SPTBN4: variants seen among roughly 807,000 people sequenced by gnomAD.
SPTBN4 encodes spectrin beta chain, non-erythrocytic 4.
Under a neutral mutation model 277.8 loss-of-function variants are expected in SPTBN4, and 96 were observed. That is an observed-to-expected ratio of 0.35 (90% CI 0.29 to 0.41). SPTBN4 has a LOEUF of 0.41. Among genes scored for constraint, SPTBN4 ranks in the 10% least tolerant of loss-of-function variants. The pLI, the probability that SPTBN4 is intolerant of heterozygous loss-of-function variation, is 1.00. For missense variants in SPTBN4, 3,006 were observed against 3,595.7 expected (o/e 0.84, Z 4.19); for synonymous variants, 1,481 against 1,580.3 (o/e 0.94, Z 1.49).
At chr19:40,494,670 C>A (rs1400886421) in intron 5 of SPTBN4, among the ~76,000 whole-genome samples, 4 of 151,446 alleles carry the variant, frequency 2.6e-5, no homozygotes, top group African/African-American at 9.7e-5. Flanking sequence ...ATGTATCTAC[C>A]TATCTCTCTC....
intron 20 of SPTBN4, among the ~76,000 whole-genome samples, chr19:40,539,162 C>T (rs1365444924): frequency 6.6e-6 from 1 of 152,188 alleles, no homozygotes; most frequent in African/African-American, 2.4e-5. Flanking sequence ...AATTATCTTG[C>T]AGTGATTACT....
chr19:40,502,414 G>A lies in SPTBN4; in HGVS notation c.1110G>A (p.Glu370=), dbSNP rs1178478639. 6.2e-7 allele frequency: 1 copy of A among 1,613,222 alleles called. No individual in the cohort carries two copies. Among genetic ancestry groups the A allele is most frequent in the Non-Finnish European group, 8.5e-7 (1 of 1,179,838 alleles). ...GGTTCCAGGAGAAGGGGAACCTAGA[G>A]GTGCTGCTCTTCAGCATCCAGAGCA... ...PVKFQEKGNL[E]VLLFSIQSKL... The change falls in exon 10 of 36, where the codon GAG becomes GAA. Residue 370 remains glutamate (E), a synonymous_variant. Transcript: ENST00000598249. This position sits in a 1 kb window ranked among gnomAD's most constrained non-coding sequence, Gnocchi z 4.9.
At chr19:40,505,010 C>T (rs74450106) in intron 12 of SPTBN4, among the ~76,000 whole-genome samples, 1 of 151,420 alleles carries the variant, frequency 6.6e-6, no homozygotes, top group East Asian at 1.9e-4. Flanking sequence ...TACATGACTA[C>T]AGAGAAAGAT....
At chr19:40,559,376 A>G (rs1358832436) in intron 26 of SPTBN4, among the ~76,000 whole-genome samples, 1 of 150,690 alleles carries the variant, frequency 6.6e-6, no homozygotes, top group South Asian at 2.2e-4. Flanking sequence ...GGCTGAGCAC[A>G]GTGGCTTATG....
At chr19:40,532,597 C>A in intron 18 of SPTBN4, 28 bp from the exon 19 acceptor site, 2 of 1,595,042 alleles carry the variant, frequency 1.3e-6, no homozygotes, top group South Asian at 2.3e-5. Context: ...AGGGGACCAG[C>A]TGAGCCCTCC....
At position 40,532,790 on chromosome 19, in the gene SPTBN4, C is replaced by G; in HGVS notation, c.4095+19C>G. On this transcript the variant is annotated intron_variant, in intron 19 of 35. Transcript: ENST00000598249. ...CGAGCGGGTGAGGAAGCTGATGGCC[C>G]CTCTGCCTGTGCCAGGTGCAGGAGG... The G allele has an allele frequency of 6.3e-7, 1 of 1,599,996 alleles. No individual in the cohort carries two copies. The highest frequency in any genetic ancestry group is 8.5e-7 in the Non-Finnish European group (1 of 1,171,934).
chr19:40,472,922 A>C (rs1335224870), intron 2 of SPTBN4, 132 bp downstream of exon 2: 9 of 923,544 alleles, frequency 9.7e-6, no homozygotes, highest in Non-Finnish European at 1.4e-5. Context: ...TGGTGGAAAT[A>C]GTCTATATCC....
At chr19:40,568,450 G>A (rs907640789) in intron 31 of SPTBN4, among the ~76,000 whole-genome samples, 168 bp downstream of exon 31, 1 of 152,188 alleles carries the variant, frequency 6.6e-6, no homozygotes, top group Non-Finnish European at 1.5e-5. Flanking sequence ...CAAGATAATC[G>A]ATGTGCCCAT....
rs754511407 is a variant in SPTBN4 at position 40,515,354 on chromosome 19, G to A, written c.2809G>A (p.Val937Ile). Reference sequence around the variant, plus strand: ...AGAGATGAACAGCCTGATGGGCCGCGTTCTGGACGTGAACCACACAGTCCA... The same window carrying A: ...AGAGATGAACAGCCTGATGGGCCGCATTCTGGACGTGAACCACACAGTCCA... ...DQEMNSLMGR[V>I]LDVNHTVQEL... Residue 937 changes from valine (V) to isoleucine (I), a missense_variant, in exon 15 of 36, where the codon GTT becomes ATT. Coordinates refer to ENST00000598249, the MANE Select transcript of SPTBN4 (RefSeq NM_020971.3). This position sits in a 1 kb window ranked among gnomAD's most constrained non-coding sequence, Gnocchi z 4.1. 51 of 1,610,880 alleles carry A rather than the reference G, an allele frequency of 3.2e-5. No individual in the cohort carries two copies. Among genetic ancestry groups the A allele is most frequent in the Non-Finnish European group, 3.4e-5 (40 of 1,178,800 alleles).
chr19:40,568,193 G>GGAGCGGCGGCGC lies in SPTBN4; in HGVS notation c.6876_6887dup (p.Arg2293_Arg2296dup). On this transcript the variant is annotated inframe_insertion, in exon 31 of 36. Transcript: ENST00000598249. ...TTACCCTGGGCCGCTATGAGCAGATGGAGCGGCGGCGCGAGCGGCGTGAGC... is the reference window on the plus strand; with the variant it reads ...TTACCCTGGGCCGCTATGAGCAGATGGAGCGGCGGCGCGAGCGGCGGCGCGAGCGGCGTGAGC... 8 of 1,596,038 alleles carry GGAGCGGCGGCGC rather than the reference G, an allele frequency of 5.0e-6. No individual in the cohort carries two copies. Among genetic ancestry groups the GGAGCGGCGGCGC allele is most frequent in the East Asian group, 2.3e-5 (1 of 43,934 alleles).
intron 20 of SPTBN4, among the ~76,000 whole-genome samples, chr19:40,546,923 T>TA (rs1463471041): frequency 1.3e-5 from 2 of 152,158 alleles, no homozygotes; most frequent in Non-Finnish European, 2.9e-5. Flanking sequence ...TGGAGGGAAA[T>TA]TCTTTGATTG....
chr19:40,572,583 G>A (rs2081165245), intron 35 of SPTBN4: 1 of 603,306 alleles, frequency 1.7e-6, no homozygotes, highest in Non-Finnish European at 2.9e-6. Context: ...AGGGAGGGCT[G>A]CCTGCAGATC....
At position 40,566,285 on chromosome 19, in the gene SPTBN4, C is replaced by G; in HGVS notation, c.6262C>G (p.Arg2088Gly). ...SSVDEVEQLI[R>G]RHEAFRKAAA... ...CGTGGATGAGGTGGAGCAGCTTATC[C>G]GGCGACATGAGGCCTTCCGCAAAGC... The change falls in exon 30 of 36, where the codon CGG becomes GGG. Residue 2088 changes from arginine to glycine, a missense_variant. Arg to Gly is a moderately radical substitution (Grantham distance 125). Transcript: ENST00000598249. 10 of 1,591,234 alleles carry G rather than the reference C, an allele frequency of 6.3e-6. No individual in the cohort carries two copies. The highest frequency in any genetic ancestry group is 7.7e-6 in the Non-Finnish European group (9 of 1,168,900).
intron 2 of SPTBN4, among the ~76,000 whole-genome samples, chr19:40,483,420 T>C (rs180923513): frequency 3.2e-4 from 49 of 152,224 alleles, no homozygotes; most frequent in African/African-American, 1.2e-3. Context: ...ATGTACCCAC[T>C]AAAATTAAAA....
chr19:40,520,399 G>C (rs2080513740), intron 16 of SPTBN4, among the ~76,000 whole-genome samples: 2 of 152,192 alleles, frequency 1.3e-5, no homozygotes, highest in African/African-American at 4.8e-5. Context: ...CTTATCGGAG[G>C]TGACAGTTTG....
At chr19:40,474,234 G>C (rs2079921773) in intron 2 of SPTBN4, among the ~76,000 whole-genome samples, 1 of 141,148 alleles carries the variant, frequency 7.1e-6, no homozygotes, top group East Asian at 2.3e-4. Context: ...TTTAGTCATT[G>C]TTCCCTAGGA....
intron 24 of SPTBN4, chr19:40,555,159 G>A (rs906562311): frequency 6.5e-6 from 1 of 152,954 alleles, no homozygotes; most frequent in African/African-American, 2.4e-5. Flanking sequence ...CTAGAGGTGG[G>A]ATGCATTGGC....
chr19:40,570,015 CAGAT>C (rs1362622452), intron 32 of SPTBN4, among the ~76,000 whole-genome samples: 2 of 148,596 alleles, frequency 1.3e-5, no homozygotes, highest in Admixed American at 1.3e-4. Flanking sequence ...CACACAGACA[CAGAT>C]ACACACACAG....
At chr19:40,551,384 A>G (rs903378590) in intron 22 of SPTBN4, among the ~76,000 whole-genome samples, 2 of 125,512 alleles carry the variant, frequency 1.6e-5, no homozygotes, top group Non-Finnish European at 1.7e-5. Flanking sequence ...ATGAGACCCT[A>G]TCTCTCTCTC....
Sources: allele counts gnomAD v4.1 joint callset (sites outside exome capture counted in the v4.1 genomes callset), GRCh38; gene constraint gnomAD v4.1.1; non-coding constraint Gnocchi (gnomAD v3.1); transcripts MANE v1.5; gene names NCBI Gene and HGNC (gene_info 2026-07-23, HGNC 2026-07-21).